The following GAREM1 variants were observed in gnomAD, a reference collection of about 807,000 sequenced individuals.
The protein encoded by GAREM1 is GRB2-associated and regulator of MAPK protein 1.
In GAREM1, 26 loss-of-function variants were observed where a neutral mutation model predicts 71.3. The ratio of observed to expected loss-of-function variants is 0.36; its 90% confidence interval spans 0.27 to 0.51. The LOEUF is 0.51. GAREM1 is among the 20% of genes least tolerant of loss of function. GAREM1 has a pLI of 0.95. For synonymous variants in GAREM1, 440 were observed against 433.2 expected (o/e 1.02, Z -0.20); for missense variants, 1,026 against 1,103.1 (o/e 0.93, Z 0.99).
rs570531164 is a variant in GAREM1 at position 32,328,497 on chromosome 18, T to C, written c.263-18174A>G. Among the ~76,000 whole-genome samples the C allele has an allele frequency of 3.9e-5, 6 of 152,306 alleles. No individual in the cohort carries two copies. The East Asian group carries it at 9.6e-4, about 24-fold the overall frequency. Reference sequence around the variant, plus strand: ...ACTTTCCAAGGCCAGGATAAGAGCATTCTGACATTATTTTCATGAGTGCTA... The same window carrying C: ...ACTTTCCAAGGCCAGGATAAGAGCACTCTGACATTATTTTCATGAGTGCTA... On this transcript the variant is annotated intron_variant, in intron 2 of 5. Transcript: ENST00000269209.
intron 2 of GAREM1, 43 bp from the exon 3 acceptor site, chr18:32,310,366 T>G: frequency 1.9e-6 from 3 of 1,604,720 alleles, no homozygotes; most frequent in Non-Finnish European, 2.6e-6. Flanking sequence ...ATGTTTATGC[T>G]GGACTGCTGT....
At position 32,311,499 on chromosome 18, in the gene GAREM1, G is replaced by A. The variant is rs117102994; in HGVS notation, c.263-1176C>T. 9.7e-3 allele frequency among the ~76,000 whole-genome samples: 1,484 copies of A among 152,320 alleles called. 13 individuals are homozygous for A. Among genetic ancestry groups the A allele is most frequent in the Middle Eastern group, 0.024 (7 of 294 alleles). ...TAATACATGAGTAAGAGTATACCAT[G>A]GTAGAAGGTGAGAAATGCTATTAAA... On this transcript the variant is annotated intron_variant, in intron 2 of 5. Transcript: ENST00000269209.
intron 2 of GAREM1, among the ~76,000 whole-genome samples, chr18:32,349,771 T>A (rs571790509): frequency 6.6e-6 from 1 of 152,218 alleles, no homozygotes; most frequent in South Asian, 2.1e-4. Flanking sequence ...GCTTGTAAAC[T>A]GTCAAGCTGT....
chr18:32,300,072 A>G (rs2047184460), intron 3 of GAREM1, among the ~76,000 whole-genome samples: 1 of 152,210 alleles, frequency 6.6e-6, no homozygotes, highest in South Asian at 2.1e-4. Context: ...TCTTTAAGAT[A>G]GTAGAAAAGT....
rs980786548 is a variant in GAREM1 at position 32,393,129 on chromosome 18, T to C, written c.122-94A>G. On this transcript the variant is annotated intron_variant, in intron 1 of 5. Coordinates refer to ENST00000269209, the MANE Select transcript of GAREM1 (RefSeq NM_001242409.2). The stretch of plus-strand genomic sequence containing the variant: ...ATTTCATTAGTTAAAACTTGACTAA[T>C]GCAGAAGTTGACAGTTCATCCCAAG... The C allele has an allele frequency of 4.7e-5, 59 of 1,246,494 alleles. No individual in the cohort carries two copies. The East Asian group carries it at 7.2e-4, about 15-fold the overall frequency. 77.2% of individuals were successfully genotyped at this position (1,246,494 alleles called of 1,614,324 possible). A position where few individuals can be genotyped will look rare whatever the true frequency, so the allele number is the denominator to read the frequency against.
intron 2 of GAREM1, among the ~76,000 whole-genome samples, chr18:32,327,458 C>T (rs1018797645): frequency 1.3e-5 from 2 of 152,030 alleles, no homozygotes; most frequent in Admixed American, 6.6e-5. Context: ...AAAGACTATA[C>T]ACAGAAAATT....
intron 1 of GAREM1, among the ~76,000 whole-genome samples, chr18:32,395,133 G>A (rs1567993681): frequency 1.3e-5 from 2 of 152,200 alleles, no homozygotes; most frequent in African/African-American, 2.4e-5. Flanking sequence ...AAGCTGCACA[G>A]CATAGTAAGT....
intron 1 of GAREM1, among the ~76,000 whole-genome samples, chr18:32,431,197 T>C (rs769540496): frequency 2.0e-5 from 3 of 152,024 alleles, no homozygotes; most frequent in African/African-American, 4.8e-5. Context: ...CAATAGAAAT[T>C]ACCCAATATG....
chr18:32,406,296 C>T (rs1000773996), intron 1 of GAREM1, among the ~76,000 whole-genome samples: 5 of 152,146 alleles, frequency 3.3e-5, no homozygotes, highest in African/African-American at 1.2e-4. Context: ...TCCCAAAGTG[C>T]TTGGATTACA....
rs189919989 is a variant in GAREM1 at position 32,401,281 on chromosome 18, A to T, written c.122-8246T>A. On this transcript the variant is annotated intron_variant, in intron 1 of 5. Coordinates refer to ENST00000269209, the MANE Select transcript of GAREM1 (RefSeq NM_001242409.2). The stretch of plus-strand genomic sequence containing the variant: ...CATGGCACATGTATACATATGTAAC[A>T]AACCTGCACATTGTGCACATGTACC... Among the ~76,000 whole-genome samples the T allele has an allele frequency of 9.8e-3, 1,496 of 152,246 alleles. 23 individuals carry two copies. Among genetic ancestry groups the T allele is most frequent in the Middle Eastern group, 0.02 (6 of 294 alleles).
chr18:32,335,367 C>T (rs1031084196), intron 2 of GAREM1, among the ~76,000 whole-genome samples: 5 of 152,170 alleles, frequency 3.3e-5, no homozygotes, highest in African/African-American at 1.2e-4. Context: ...TCTGTGTGCA[C>T]ATGGTCAAGC....
At chr18:32,463,081 C>A (rs1304931155) in intron 1 of GAREM1, among the ~76,000 whole-genome samples, 3 of 131,582 alleles carry the variant, frequency 2.3e-5, no homozygotes, top group African/African-American at 8.9e-5. Flanking sequence ...TTATATGTTC[C>A]CACTACAAAA....
At chr18:32,377,811 C>T (rs561930469) in intron 2 of GAREM1, among the ~76,000 whole-genome samples, 1 of 152,278 alleles carries the variant, frequency 6.6e-6, no homozygotes, top group South Asian at 2.1e-4. Flanking sequence ...GATCCACCCA[C>T]CTTGGCCTCC....
intron 1 of GAREM1, among the ~76,000 whole-genome samples, chr18:32,414,992 A>G (rs990572370): frequency 1.3e-5 from 2 of 152,146 alleles, no homozygotes; most frequent in African/African-American, 4.8e-5. Context: ...GAAGACTCAA[A>G]TAAATAAAAT....
chr18:32,344,610 AATTAAATTAT>A (rs1257204204), intron 2 of GAREM1, among the ~76,000 whole-genome samples: 3 of 152,226 alleles, frequency 2.0e-5, no homozygotes, highest in Non-Finnish European at 4.4e-5. Context: ...ATATTTTGGA[AATTAAATTAT>A]ATGGGTAAAA....
intron 1 of GAREM1, among the ~76,000 whole-genome samples, chr18:32,451,126 G>A (rs2048834296): frequency 6.6e-6 from 1 of 152,082 alleles, no homozygotes; most frequent in African/African-American, 2.4e-5. Context: ...CTCCAGAGCT[G>A]GATGACAGAG....
intron 1 of GAREM1, among the ~76,000 whole-genome samples, chr18:32,411,600 A>G (rs1471823856): frequency 6.6e-6 from 1 of 152,150 alleles, no homozygotes; most frequent in Non-Finnish European, 1.5e-5. Flanking sequence ...CCATTATTCA[A>G]TTTAGATATA....
At chr18:32,333,100 C>T (rs73956882) in intron 2 of GAREM1, among the ~76,000 whole-genome samples, 7,776 of 150,138 alleles carry the variant, frequency 0.052, 212 homozygotes, top group South Asian at 0.067. Flanking sequence ...AATAGTGAGA[C>T]CTACAGGAGA....
chr18:32,358,515 G>A (rs575167460), intron 2 of GAREM1, among the ~76,000 whole-genome samples: 22 of 152,240 alleles, frequency 1.4e-4, no homozygotes, highest in Middle Eastern at 3.4e-3. Flanking sequence ...CTTCTCTGTT[G>A]TGAAGTATTG....
Sources: gnomAD v4.1 joint callset for allele counts (sites outside exome capture counted in the v4.1 genomes callset) on GRCh38, gnomAD v4.1.1 for gene constraint, MANE v1.5 for transcripts, NCBI Gene and HGNC (gene_info 2026-07-23, HGNC 2026-07-21) for gene names.